Variants in NRXN3 observed in about 807,000 individuals in gnomAD.
NRXN3 encodes neurexin 3, also known as neurexin III.
NRXN3 carries 32 observed loss-of-function variants against 137.6 expected under a neutral mutation model. That is an observed-to-expected ratio of 0.23 (90% CI 0.18 to 0.31). The LOEUF is 0.31. NRXN3 is among the 10% of genes least tolerant of loss of function. The probability of loss-of-function intolerance (pLI) is 1.00; values close to 1 mark genes in which losing one functional copy is unlikely to be tolerated. For missense variants in NRXN3, 1,574 were observed against 2,062.5 expected (o/e 0.76, Z 4.59); for synonymous variants, 798 against 784.5 (o/e 1.02, Z -0.29).
intron 15 of NRXN3, among the ~76,000 whole-genome samples, chr14:79,133,728 A>G (rs760273106): frequency 6.6e-6 from 1 of 151,892 alleles, no homozygotes; most frequent in Non-Finnish European, 1.5e-5. Flanking sequence ...GATCGAGACT[A>G]TCCTGGCTAA....
At chr14:78,249,979 C>T (rs567621075) in intron 2 of NRXN3, 2 of 391,338 alleles carry the variant, frequency 5.1e-6, no homozygotes, top group South Asian at 1.9e-5. Context: ...ACAATGATAG[C>T]TAATAATCAC....
At chr14:78,803,556 A>AAAG in intron 8 of NRXN3, 64 bp from the exon 9 acceptor site, 1 of 1,488,314 alleles carries the variant, frequency 6.7e-7, no homozygotes, top group Non-Finnish European at 9.4e-7. Flanking sequence ...GCCTGAAAGC[A>AAAG]AAGGGGTATT....
rs1306110668 is a variant in NRXN3, at chr14:79,740,710, TTTTATATATATATATATATATATATA to T, written c.4014+42775_4014+42800del. 3.2e-3 allele frequency among the ~76,000 whole-genome samples: 235 copies of T among 73,700 alleles called. 8 individuals carry two copies. Among genetic ancestry groups the T allele is most frequent in the African/African-American group, 0.01 (190 of 18,576 alleles). 48.4% of individuals were successfully genotyped at this position (73,700 alleles called of 152,430 possible). A position where few individuals can be genotyped will look rare whatever the true frequency, so the allele number is the denominator to read the frequency against. Reference sequence around the variant, plus strand: ...TTTCCACTGGACTTTGCATTTAGTTTTTTATATATATATATATATATATATATATATATATATATATATATATATAT... The same window carrying T: ...TTTCCACTGGACTTTGCATTTAGTTTTATATATATATATATATATATATAT... On this transcript the variant is annotated intron_variant, in intron 19 of 20. Coordinates refer to ENST00000335750, the MANE Select transcript of NRXN3 (RefSeq NM_001330195.2).
At chr14:79,467,147 G>A (rs1016768032) in intron 15 of NRXN3, 74 bp from the exon 16 acceptor site, 20 of 1,423,606 alleles carry the variant, frequency 1.4e-5, no homozygotes, top group Admixed American at 7.4e-5. Flanking sequence ...TCTGTGTAGG[G>A]TCTCAACAGT....
At chr14:78,856,473 C>G (rs2099057359) in intron 10 of NRXN3, among the ~76,000 whole-genome samples, 2 of 152,034 alleles carry the variant, frequency 1.3e-5, no homozygotes, top group Non-Finnish European at 2.9e-5. Context: ...TTCTTGGGAA[C>G]TTGAAATAGC....
chr14:78,450,653 C>G (rs1244529528), intron 4 of NRXN3, among the ~76,000 whole-genome samples: 1 of 152,218 alleles, frequency 6.6e-6, no homozygotes, highest in Non-Finnish European at 1.5e-5. Flanking sequence ...ACTTCACCCT[C>G]TCTGGTCAGA....
intron 15 of NRXN3, among the ~76,000 whole-genome samples, chr14:79,221,770 G>C (rs893674328): frequency 7.9e-5 from 12 of 152,112 alleles, no homozygotes; most frequent in Non-Finnish European, 7.3e-5. Context: ...GATCCCATTT[G>C]TCAATTTTGG....
At chr14:78,472,300 T>G (rs1414448601) in intron 4 of NRXN3, among the ~76,000 whole-genome samples, 1 of 152,168 alleles carries the variant, frequency 6.6e-6, no homozygotes, top group Non-Finnish European at 1.5e-5. Flanking sequence ...TGTGAGGAAC[T>G]TAAGGATCGG....
chr14:78,897,295 A>T (rs898430282), intron 10 of NRXN3, among the ~76,000 whole-genome samples: 1 of 151,966 alleles, frequency 6.6e-6, no homozygotes, highest in African/African-American at 2.4e-5. Context: ...ATTTGAATGA[A>T]TGAAAAAATG....
chr14:79,343,742 T>C (rs2153369773), intron 15 of NRXN3, among the ~76,000 whole-genome samples: 1 of 152,328 alleles, frequency 6.6e-6, no homozygotes, highest in African/African-American at 2.4e-5. Context: ...TTTCAAATAT[T>C]TCCTTCAAAT....
At chr14:79,020,456 G>A (rs1252911648) in intron 15 of NRXN3, among the ~76,000 whole-genome samples, 1 of 149,366 alleles carries the variant, frequency 6.7e-6, no homozygotes, top group African/African-American at 2.5e-5. Flanking sequence ...ATAGAGATGG[G>A]GTTTCTCCTT....
At chr14:79,381,642 G>A (rs2094473739) in intron 15 of NRXN3, among the ~76,000 whole-genome samples, 1 of 152,164 alleles carries the variant, frequency 6.6e-6, no homozygotes, top group African/African-American at 2.4e-5. Flanking sequence ...AAAGGAACTT[G>A]CTTACTTAAG....
At chr14:78,556,748 C>G (rs2096740305) in intron 4 of NRXN3, among the ~76,000 whole-genome samples, 1 of 152,082 alleles carries the variant, frequency 6.6e-6, no homozygotes, top group African/African-American at 2.4e-5. Flanking sequence ...ACTGAATTAA[C>G]AAATACCTGA....
chr14:78,571,755 A>T (rs769736247), intron 4 of NRXN3, among the ~76,000 whole-genome samples: 11 of 152,200 alleles, frequency 7.2e-5, no homozygotes, highest in Non-Finnish European at 1.3e-4. Context: ...AAATTCCCCA[A>T]GGACCAAAAT....
intron 16 of NRXN3, among the ~76,000 whole-genome samples, chr14:79,612,718 G>A (rs1007079661): frequency 6.6e-6 from 1 of 152,092 alleles, no homozygotes. Flanking sequence ...TAGTGTGGTG[G>A]CACATGCCTG....
At chr14:78,782,526 G>A (rs957448234) in intron 8 of NRXN3, among the ~76,000 whole-genome samples, 1 of 152,204 alleles carries the variant, frequency 6.6e-6, no homozygotes, top group Non-Finnish European at 1.5e-5. Context: ...GGATTGACCA[G>A]GAAATTCTAA....
At chr14:79,080,202 T>C (rs1247790758) in intron 15 of NRXN3, among the ~76,000 whole-genome samples, 1 of 152,146 alleles carries the variant, frequency 6.6e-6, no homozygotes, top group Non-Finnish European at 1.5e-5. Context: ...AATCTGAAAC[T>C]GGCCACTTTA....
At chr14:78,339,251 G>C (rs769038938) in intron 4 of NRXN3, among the ~76,000 whole-genome samples, 2 of 152,178 alleles carry the variant, frequency 1.3e-5, no homozygotes, top group African/African-American at 2.4e-5. Context: ...CATGGGAGCA[G>C]GCATTATTTT....
intron 17 of NRXN3, among the ~76,000 whole-genome samples, chr14:79,678,237 C>T (rs10137447): frequency 0.38 from 57,779 of 151,874 alleles, 13,309 homozygotes; most frequent in African/African-American, 0.65. Context: ...CTTTCAAACC[C>T]CACTGCCATT....
Sources: allele counts gnomAD v4.1 joint callset (sites outside exome capture counted in the v4.1 genomes callset), GRCh38; gene constraint gnomAD v4.1.1; transcripts MANE v1.5; gene names NCBI Gene and HGNC (gene_info 2026-07-23, HGNC 2026-07-21).